CSMD1: variants seen among roughly 807,000 people sequenced by gnomAD.
CSMD1 encodes CUB and Sushi multiple domains 1, also known as CUB and sushi domain-containing protein 1.
CSMD1 carries 213 observed loss-of-function variants against 417.5 expected under a neutral mutation model. The observed-to-expected ratio is 0.51, with a 90% CI of 0.46 to 0.57. The LOEUF (loss-of-function observed/expected upper bound fraction) is 0.57. CSMD1 is among the 20% of genes least tolerant of loss of function. The probability of loss-of-function intolerance (pLI) is 0.00; values close to 1 mark genes in which losing one functional copy is unlikely to be tolerated. For missense variants in CSMD1, 6,923 were observed against 4,529.7 expected (o/e 1.53, Z -15.17); for synonymous variants, 2,862 against 1,736.8 (o/e 1.65, Z -16.11).
chr8:3,815,661 C>A (rs1396484475), intron 5 of CSMD1, among the ~76,000 whole-genome samples: 1 of 148,526 alleles, frequency 6.7e-6, no homozygotes, highest in Non-Finnish European at 1.5e-5. Context: ...ACAACCTAGA[C>A]AATATCCTCC....
chr8:3,648,273 TA>T (rs1330082902), intron 7 of CSMD1, among the ~76,000 whole-genome samples: 1 of 152,260 alleles, frequency 6.6e-6, no homozygotes. Flanking sequence ...CTCTTTTCTC[TA>T]GAGTAATATA....
At chr8:4,909,812 C>G (rs1007955367) in intron 1 of CSMD1, among the ~76,000 whole-genome samples, 1 of 152,158 alleles carries the variant, frequency 6.6e-6, no homozygotes, top group South Asian at 2.1e-4. Flanking sequence ...CCCACCTGTC[C>G]TTCATTTCCA....
chr8:4,179,698 C>T (rs1199981083), intron 3 of CSMD1, among the ~76,000 whole-genome samples: 1 of 151,938 alleles, frequency 6.6e-6, no homozygotes, highest in African/African-American at 2.4e-5. Context: ...GGGCTAATAT[C>T]CAGAATCTAC....
chr8:4,147,115 G>GTA (rs1247119307), intron 3 of CSMD1, among the ~76,000 whole-genome samples: 2 of 151,682 alleles, frequency 1.3e-5, no homozygotes, highest in Non-Finnish European at 2.9e-5. Flanking sequence ...ATCCCCTCCT[G>GTA]ACCAATCTCT....
At chr8:3,910,381 G>C (rs761140143) in intron 5 of CSMD1, among the ~76,000 whole-genome samples, 1 of 152,190 alleles carries the variant, frequency 6.6e-6, no homozygotes, top group Non-Finnish European at 1.5e-5. Flanking sequence ...GCACCAGGAA[G>C]AGACTCTGAA....
At chr8:3,270,831 A>G (rs749957237) in intron 26 of CSMD1, among the ~76,000 whole-genome samples, 86 of 152,300 alleles carry the variant, frequency 5.6e-4, no homozygotes, top group Non-Finnish European at 1.0e-3. Flanking sequence ...AAGAGTTTTA[A>G]TTGACTCACA....
chr8:3,652,712 T>G (rs903492673), intron 7 of CSMD1, among the ~76,000 whole-genome samples: 1 of 152,070 alleles, frequency 6.6e-6, no homozygotes, highest in Non-Finnish European at 1.5e-5. Context: ...TTCAATTATC[T>G]CCAAGTGACC....
chr8:3,307,864 T>C (rs755800064), intron 24 of CSMD1, 43 bp from the exon 25 acceptor site: 2 of 1,591,542 alleles, frequency 1.3e-6, no homozygotes, highest in South Asian at 2.3e-5. Flanking sequence ...GCTTCAGGCA[T>C]CACATGTTTC....
chr8:3,972,361 T>C lies in CSMD1; in HGVS notation c.818+25542A>G, dbSNP rs542245631. Among the ~76,000 whole-genome samples, 5 of 152,368 alleles carry C rather than the reference T, an allele frequency of 3.3e-5. No homozygotes were observed. In the East Asian group the frequency reaches 9.6e-4, roughly 29 times the overall value. Reference sequence around the variant, plus strand: ...TTTTCTCAAAATATCATTTAATTTTTGCTAAAGCTCTTTTTTCTTTATACA... The same window carrying C: ...TTTTCTCAAAATATCATTTAATTTTCGCTAAAGCTCTTTTTTCTTTATACA... On this transcript the variant is annotated intron_variant, in intron 5 of 69. Transcript: ENST00000635120.
chr8:3,306,524 C>T (rs1449208421), intron 25 of CSMD1, among the ~76,000 whole-genome samples: 6 of 152,132 alleles, frequency 3.9e-5, no homozygotes, highest in East Asian at 1.9e-4. Context: ...GCTGAAGCAG[C>T]TGGGCTGATT....
At chr8:3,068,679 C>T (rs1324556069) in intron 49 of CSMD1, among the ~76,000 whole-genome samples, 2 of 152,080 alleles carry the variant, frequency 1.3e-5, no homozygotes, top group Non-Finnish European at 2.9e-5. Context: ...GCTTCTCACA[C>T]GGCCAGAAGA....
chr8:4,352,175 G>C (rs1432104774), intron 3 of CSMD1, among the ~76,000 whole-genome samples: 7 of 152,104 alleles, frequency 4.6e-5, no homozygotes, highest in African/African-American at 9.7e-5. Flanking sequence ...GTCCACTTAG[G>C]TTCTCATTGC....
intron 8 of CSMD1, among the ~76,000 whole-genome samples, chr8:3,593,322 C>G (rs1163054798): frequency 1.3e-5 from 2 of 152,212 alleles, no homozygotes; most frequent in African/African-American, 4.8e-5. Context: ...GGAGAAGCCC[C>G]TGTGTCTCCT....
At chr8:4,510,029 G>A (rs762330408) in intron 2 of CSMD1, among the ~76,000 whole-genome samples, 14 of 152,176 alleles carry the variant, frequency 9.2e-5, no homozygotes, top group Admixed American at 7.2e-4. Flanking sequence ...GGAGGGACCC[G>A]GTGGGAGGTA....
At chr8:4,373,971 A>T (rs1802556705) in intron 3 of CSMD1, among the ~76,000 whole-genome samples, 1 of 152,202 alleles carries the variant, frequency 6.6e-6, no homozygotes, top group South Asian at 2.1e-4. Context: ...GACTTGATAT[A>T]TACCATTAAC....
chr8:4,314,612 C>G (rs1798816089), intron 3 of CSMD1, among the ~76,000 whole-genome samples: 1 of 152,072 alleles, frequency 6.6e-6, no homozygotes, highest in Non-Finnish European at 1.5e-5. Context: ...TTCACACACA[C>G]ACACACACAC....
chr8:4,126,410 A>T (rs1802768384), intron 3 of CSMD1, among the ~76,000 whole-genome samples: 1 of 152,138 alleles, frequency 6.6e-6, no homozygotes, highest in African/African-American at 2.4e-5. Flanking sequence ...AACACCCATC[A>T]CAGGACAGCA....
At chr8:3,448,000 C>T (rs911724526) in intron 12 of CSMD1, among the ~76,000 whole-genome samples, 37 of 152,146 alleles carry the variant, frequency 2.4e-4, no homozygotes, top group African/African-American at 7.2e-4. Flanking sequence ...AATGAGAGTC[C>T]TGATACCACT....
intron 3 of CSMD1, among the ~76,000 whole-genome samples, chr8:4,158,322 C>A (rs1314683347): frequency 4.6e-5 from 7 of 152,120 alleles, no homozygotes; most frequent in Non-Finnish European, 7.4e-5. Context: ...AGGATGCAAT[C>A]ATCTCTACTG....
Sources: allele counts gnomAD v4.1 joint callset (sites outside exome capture counted in the v4.1 genomes callset), GRCh38; gene constraint gnomAD v4.1.1; transcripts MANE v1.5; gene names NCBI Gene and HGNC (gene_info 2026-07-23, HGNC 2026-07-21).